KCNJ6: variants seen among roughly 807,000 people sequenced by gnomAD.
KCNJ6 encodes potassium inwardly rectifying channel subfamily J member 6, also known as G protein-activated inward rectifier potassium channel 2.
A neutral mutation model predicts 34.2 loss-of-function variants in KCNJ6; 9 were observed. That is an observed-to-expected ratio of 0.26 (90% CI 0.16 to 0.46). The LOEUF (loss-of-function observed/expected upper bound fraction) is 0.46. Among genes scored for constraint, KCNJ6 ranks in the 20% least tolerant of loss-of-function variants. The pLI, the probability that KCNJ6 is intolerant of heterozygous loss-of-function variation, is 1.00. For missense variants in KCNJ6, 236 were observed against 531.3 expected, an observed-to-expected ratio of 0.44 and a Z score of 5.46; for synonymous variants, 196 against 207.1, an observed-to-expected ratio of 0.95 and a Z score of 0.46.
chr21:37,747,424 G>C (rs532257536), intron 2 of KCNJ6, among the ~76,000 whole-genome samples: 2 of 152,340 alleles, frequency 1.3e-5, no homozygotes, highest in South Asian at 4.1e-4. Context: ...GGCCTTACTA[G>C]GGAAAGGGAG....
intron 1 of KCNJ6, among the ~76,000 whole-genome samples, chr21:37,845,761 AC>A (rs906452313): frequency 3.3e-5 from 5 of 152,158 alleles, no homozygotes; most frequent in Non-Finnish European, 7.4e-5. Flanking sequence ...AATTAGCCAG[AC>A]CCATGGCTGC....
intron 3 of KCNJ6, among the ~76,000 whole-genome samples, chr21:37,635,448 C>T (rs2054353342): frequency 1.3e-5 from 2 of 151,590 alleles, no homozygotes; most frequent in Non-Finnish European, 1.5e-5. Flanking sequence ...GAATTCCTGA[C>T]CTCAGGTGAT....
At chr21:37,668,701 C>T (rs1396132367) in intron 3 of KCNJ6, among the ~76,000 whole-genome samples, 2 of 152,150 alleles carry the variant, frequency 1.3e-5, no homozygotes, top group Non-Finnish European at 2.9e-5. Context: ...AGCTGGCCTG[C>T]ACGGCCTCTG....
At position 37,607,482 on chromosome 21, in the gene KCNJ6, A is replaced by ATATATATATATATATATTT; in HGVS notation, c.*17676_*17677insAAATATATATATATATATA. ...CTTAAAGATATATATATATATATAT[A>ATATATATATATATATATTT]TTTTTTTTTTATTTTAAAAAAATTT... On this transcript the variant is annotated 3_prime_UTR_variant, in exon 4 of 4. Transcript: ENST00000609713. 5.2e-4 allele frequency: 71 copies of ATATATATATATATATATTT among 136,738 alleles called. No individual in the cohort carries two copies. The highest frequency in any genetic ancestry group is 1.9e-3 in the South Asian group (8 of 4,154). The allele number at this position is 136,738 out of a possible 1,614,324, so 8.5% of individuals were successfully genotyped here.
At chr21:37,732,947 G>C (rs1026320591) in intron 2 of KCNJ6, among the ~76,000 whole-genome samples, 1 of 152,108 alleles carries the variant, frequency 6.6e-6, no homozygotes, top group Non-Finnish European at 1.5e-5. Context: ...GAAAAGGGGG[G>C]GCTGGCAAGC....
chr21:37,911,268 T>C (rs977193089), intron 1 of KCNJ6, among the ~76,000 whole-genome samples: 1 of 151,690 alleles, frequency 6.6e-6, no homozygotes, highest in Non-Finnish European at 1.5e-5. Context: ...AACAGCTACA[T>C]TTTATTCTTC....
In KCNJ6 at chr21:37,695,604, T is replaced by C. The variant is rs1322505345; in HGVS notation, c.946+18607A>G. ...GCTGGTAAGTATTGGAGTGAGGAGC[T>C]TGGGATTTCTCCCTGACAGTTTCTG... On this transcript the variant is annotated intron_variant, in intron 3 of 3. Coordinates refer to ENST00000609713, the MANE Select transcript of KCNJ6 (RefSeq NM_002240.5). This position sits in a 1 kb window ranked among gnomAD's most constrained non-coding sequence, Gnocchi z 4.2. Among the ~76,000 whole-genome samples, 1 of 152,200 alleles carries C rather than the reference T, an allele frequency of 6.6e-6. No homozygotes were observed. The highest frequency in any genetic ancestry group is 1.5e-5 in the Non-Finnish European group (1 of 68,034).
At chr21:37,701,195 G>T (rs1405858234) in intron 3 of KCNJ6, among the ~76,000 whole-genome samples, 1 of 152,162 alleles carries the variant, frequency 6.6e-6, no homozygotes, top group Non-Finnish European at 1.5e-5. Context: ...GGCAGGAAGA[G>T]ATTGCCTGGG....
chr21:37,751,683 G>A (rs1231259823), intron 2 of KCNJ6, among the ~76,000 whole-genome samples: 1 of 152,158 alleles, frequency 6.6e-6, no homozygotes, highest in African/African-American at 2.4e-5. Flanking sequence ...AGTGATCCGG[G>A]CACTTTGTAC....
At chr21:37,730,504 C>T (rs2054878810) in intron 2 of KCNJ6, among the ~76,000 whole-genome samples, 1 of 152,220 alleles carries the variant, frequency 6.6e-6, no homozygotes, top group African/African-American at 2.4e-5. Context: ...ACCTGGTCCA[C>T]AGCAGCCATT....
chr21:37,857,751 A>G (rs1420276242), intron 1 of KCNJ6, among the ~76,000 whole-genome samples: 2 of 152,226 alleles, frequency 1.3e-5, no homozygotes, highest in African/African-American at 2.4e-5. Context: ...GGATCTATCC[A>G]AAATATTACA....
At chr21:37,858,120 G>C (rs1350188820) in intron 1 of KCNJ6, among the ~76,000 whole-genome samples, 1 of 151,900 alleles carries the variant, frequency 6.6e-6, no homozygotes, top group Non-Finnish European at 1.5e-5. Context: ...GGCCAGGTAC[G>C]GTGGCTCACG....
At chr21:37,744,001 C>A (rs1034281654) in intron 2 of KCNJ6, among the ~76,000 whole-genome samples, 10 of 152,010 alleles carry the variant, frequency 6.6e-5, no homozygotes, top group Admixed American at 5.9e-4. Flanking sequence ...AAAATTCACT[C>A]TTCCCCAAAT....
chr21:37,646,997 C>T (rs1433391062), intron 3 of KCNJ6, among the ~76,000 whole-genome samples: 1 of 152,152 alleles, frequency 6.6e-6, no homozygotes, highest in African/African-American at 2.4e-5. Flanking sequence ...TTAGTTTCAA[C>T]AGCAGCTCTT....
intron 2 of KCNJ6, among the ~76,000 whole-genome samples, chr21:37,799,909 T>C (rs1308851955): frequency 6.6e-6 from 1 of 152,228 alleles, no homozygotes; most frequent in Non-Finnish European, 1.5e-5. Context: ...AATTATTATC[T>C]ATGAATTTCT....
intron 2 of KCNJ6, among the ~76,000 whole-genome samples, chr21:37,796,686 C>G (rs926321354): frequency 6.6e-6 from 1 of 151,802 alleles, no homozygotes; most frequent in Non-Finnish European, 1.5e-5. Context: ...GTTACTATAA[C>G]TTGGGGTCCC....
chr21:37,679,268 C>T (rs1367478518), intron 3 of KCNJ6, among the ~76,000 whole-genome samples: 4 of 152,230 alleles, frequency 2.6e-5, no homozygotes, highest in African/African-American at 9.6e-5. Context: ...TCTAGATCTA[C>T]AGAAGCTGTG....
chr21:37,656,005 G>A (rs1048346897), intron 3 of KCNJ6, among the ~76,000 whole-genome samples: 2 of 152,204 alleles, frequency 1.3e-5, no homozygotes, highest in Non-Finnish European at 2.9e-5. Context: ...CCATGGGGGG[G>A]CCTTCCTGGA....
At chr21:37,841,042 C>G (rs769746911) in intron 1 of KCNJ6, among the ~76,000 whole-genome samples, 62 of 151,386 alleles carry the variant, frequency 4.1e-4, no homozygotes, top group Non-Finnish European at 4.9e-4. Flanking sequence ...TTTTTTTCCT[C>G]TCTGTTTCCC....
Sources: gnomAD v4.1 joint callset for allele counts (sites outside exome capture counted in the v4.1 genomes callset) on GRCh38, gnomAD v4.1.1 for gene constraint, Gnocchi (gnomAD v3.1) non-coding constraint, MANE v1.5 for transcripts, NCBI Gene and HGNC (gene_info 2026-07-23, HGNC 2026-07-21) for gene names.